The following PSIP1 variants were observed in gnomAD, a reference collection of about 807,000 sequenced individuals.
The protein encoded by PSIP1 is PC4 and SFRS1-interacting protein.
A neutral mutation model predicts 74.7 loss-of-function variants in PSIP1; 19 were observed. The ratio of observed to expected loss-of-function variants is 0.25; its 90% CI spans 0.18 to 0.37. PSIP1 has a LOEUF of 0.37. Ranked by LOEUF, PSIP1 falls within the 10% of genes least tolerant of loss-of-function variation. The probability of loss-of-function intolerance (pLI) is 1.00; values close to 1 mark genes in which losing one functional copy is unlikely to be tolerated. For synonymous variants in PSIP1, 222 were observed against 195.3 expected (o/e 1.14, Z -1.14); for missense variants, 601 against 614.3 (o/e 0.98, Z 0.23).
chr9:15,506,779 A>C, intron 2 of PSIP1, 142 bp from the exon 3 acceptor site: 1 of 594,254 alleles, frequency 1.7e-6, no homozygotes. Flanking sequence ...CTATCCCCAA[A>C]TCTGAAACCC....
chr9:15,465,706 A>C (rs2035577434), intron 15 of PSIP1, 126 bp from the exon 16 acceptor site: 3 of 715,782 alleles, frequency 4.2e-6, no homozygotes, highest in South Asian at 2.2e-5. Flanking sequence ...ACAAAAGAAA[A>C]ACTTGACTTG....
intron 8 of PSIP1, among the ~76,000 whole-genome samples, chr9:15,477,243 T>C (rs758058681): frequency 3.3e-5 from 5 of 152,196 alleles, no homozygotes; most frequent in African/African-American, 9.7e-5. Context: ...ATTCTATGTG[T>C]TTATGGTGTG....
Position 15,474,177 on chromosome 9 carries a change from C to T in PSIP1, c.690G>A (p.Gln230=), listed in dbSNP as rs767703390. Residue 230 remains glutamine (Q), a synonymous_variant, in exon 9 of 16, where the codon CAG becomes CAA. Transcript: ENST00000380733. ...KGQEEKQPKK[Q]PKKDEEGQKE... ...TCTGGCCCTCTTCATCCTTCTTAGG[C>T]TGCTTTTTAGGTTGTTTTTCCTCTT... 27 of 1,613,238 alleles carry T rather than the reference C, an allele frequency of 1.7e-5. No homozygotes were observed. In the South Asian group the frequency reaches 2.6e-4, roughly 16 times the overall value.
At chr9:15,468,234 C>A (rs572813169) in intron 14 of PSIP1, 2 of 429,626 alleles carry the variant, frequency 4.7e-6, no homozygotes, top group Non-Finnish European at 4.7e-6. Flanking sequence ...TAGTCTCCAC[C>A]TATGAGGCTG....
At chr9:15,469,120 C>G in intron 12 of PSIP1, 62 bp from the exon 13 acceptor site, 1 of 1,488,460 alleles carries the variant, frequency 6.7e-7, no homozygotes, top group Non-Finnish European at 9.2e-7. Flanking sequence ...CAATCTGTTT[C>G]TAAAGATCGT....
intron 6 of PSIP1, among the ~76,000 whole-genome samples, chr9:15,480,879 C>T (rs1352058726): frequency 6.6e-6 from 1 of 152,166 alleles, no homozygotes; most frequent in Non-Finnish European, 1.5e-5. Flanking sequence ...GAAATTCATG[C>T]CACTGCATTC....
Position 15,472,406 on chromosome 9 carries a change from T to C in PSIP1, c.977+226A>G, listed in dbSNP as rs116559483. 1,208 of 1,341,928 alleles carry C rather than the reference T, an allele frequency of 9.0e-4. 6 individuals are homozygous for C. The African/African-American group carries it at 0.018, about 20-fold the overall frequency. The allele number at this position is 1,341,928 out of a possible 1,614,324, so 83.1% of individuals were successfully genotyped here. A position where few individuals can be genotyped will look rare whatever the true frequency, so the allele number is the denominator to read the frequency against. Reference sequence around the variant, plus strand: ...AAATCCTATCTGCACTTCGTTTAAATTCAAAAATAATTCACAGAGTGACTG... The same window carrying C: ...AAATCCTATCTGCACTTCGTTTAAACTCAAAAATAATTCACAGAGTGACTG... On this transcript the variant is annotated intron_variant, in intron 10 of 15. Transcript: ENST00000380733.
At chr9:15,472,551 G>A (rs1178526958) in intron 10 of PSIP1, 81 bp downstream of exon 10, 15 of 1,506,284 alleles carry the variant, frequency 1.0e-5, no homozygotes, top group Non-Finnish European at 1.3e-5. Context: ...CATAAAGTCT[G>A]GAAAATGAAA....
chr9:15,499,238 T>C (rs2037219626), intron 3 of PSIP1, among the ~76,000 whole-genome samples: 1 of 152,216 alleles, frequency 6.6e-6, no homozygotes, highest in Non-Finnish European at 1.5e-5. Flanking sequence ...CCTAATAAAA[T>C]ATTCATGCTA....
At chr9:15,488,397 T>C (rs1234165129) in intron 4 of PSIP1, among the ~76,000 whole-genome samples, 1 of 152,122 alleles carries the variant, frequency 6.6e-6, no homozygotes, top group Non-Finnish European at 1.5e-5. Flanking sequence ...CTCGCTTCTT[T>C]AGATTTACTC....
rs1451215719 is a variant in PSIP1, at chr9:15,465,152, AG to A, written c.*367del. ...TGTAAAAACTATGCACAAAACCCAC[AG>A]TATTTGGGAAAAGAGGCAAGGTTTA... On this transcript the variant is annotated 3_prime_UTR_variant, in exon 16 of 16. Transcript: ENST00000380733. 8.4e-6 allele frequency: 2 copies of A among 237,738 alleles called. No homozygotes were observed. The highest frequency in any genetic ancestry group is 1.6e-5 in the Non-Finnish European group (2 of 121,448). 14.7% of individuals were successfully genotyped at this position (237,738 alleles called of 1,614,324 possible).
At chr9:15,467,191 G>T (rs962034711) in intron 14 of PSIP1, among the ~76,000 whole-genome samples, 1 of 152,188 alleles carries the variant, frequency 6.6e-6, no homozygotes, top group Non-Finnish European at 1.5e-5. Context: ...ACAGGGTGTT[G>T]TAATTCTTAG....
At chr9:15,501,840 C>CATATATAGATATATATATATAT in intron 3 of PSIP1, among the ~76,000 whole-genome samples, 1 of 124,532 alleles carries the variant, frequency 8.0e-6, no homozygotes, top group South Asian at 2.7e-4. Flanking sequence ...TATAAAACAG[C>CATATATAGATATATATATATAT]ATATATATAT....
At chr9:15,471,521 C>G in intron 10 of PSIP1, 2 of 976,182 alleles carry the variant, frequency 2.0e-6, no homozygotes, top group Non-Finnish European at 2.4e-6. Context: ...AAGCAACAAA[C>G]AGTCCAACAG....
intron 2 of PSIP1, among the ~76,000 whole-genome samples, chr9:15,507,954 C>T (rs534966265): frequency 4.6e-5 from 7 of 152,264 alleles, no homozygotes; most frequent in East Asian, 3.9e-4. Context: ...GGGAATGTCC[C>T]GATAATTGCA....
intron 2 of PSIP1, 46 bp downstream of exon 2, chr9:15,510,071 G>C (rs777669122): frequency 6.5e-7 from 1 of 1,546,550 alleles, no homozygotes; most frequent in Non-Finnish European, 8.8e-7. Flanking sequence ...CAGGCCTCTG[G>C]AGAGGAGGGT....
At chr9:15,477,955 T>C (rs952822147) in intron 8 of PSIP1, among the ~76,000 whole-genome samples, 16 of 151,426 alleles carry the variant, frequency 1.1e-4, no homozygotes, top group Non-Finnish European at 1.2e-4. Context: ...CTGGGAACGA[T>C]GAGACCAGTC....
chr9:15,467,919 A>C (rs1013920341), intron 14 of PSIP1, among the ~76,000 whole-genome samples: 1 of 152,076 alleles, frequency 6.6e-6, no homozygotes, highest in East Asian at 1.9e-4. Flanking sequence ...TCGGGAGTTC[A>C]AGACCAGCCT....
chr9:15,486,040 G>A lies in PSIP1; in HGVS notation c.422C>T (p.Thr141Ile), dbSNP rs1485560915. ...EDVTKAVDIT[T>I]PKAARRGRKR... Reference sequence around the variant, plus strand: ...TCTCCCCCTTCTGGCAGCTTTTGGAGTAGTTATGTCAACTGCTTTAGTCAC... The same window carrying A: ...TCTCCCCCTTCTGGCAGCTTTTGGAATAGTTATGTCAACTGCTTTAGTCAC... Residue 141 changes from threonine to isoleucine, a missense_variant, in exon 6 of 16, where the codon ACT becomes ATT. Thr to Ile is a moderately conservative substitution (Grantham distance 89, BLOSUM62 -1). Transcript: ENST00000380733. The A allele has an allele frequency of 2.5e-6, 4 of 1,609,680 alleles. No individual in the cohort carries two copies. Among genetic ancestry groups the A allele is most frequent in the East Asian group, 2.2e-5 (1 of 44,768 alleles).
Sources: allele counts gnomAD v4.1 joint callset (sites outside exome capture counted in the v4.1 genomes callset), GRCh38; gene constraint gnomAD v4.1.1; transcripts MANE v1.5; gene names NCBI Gene and HGNC (gene_info 2026-07-23, HGNC 2026-07-21).